GRIN2B: variants seen among roughly 807,000 people sequenced by gnomAD.
GRIN2B encodes glutamate ionotropic receptor NMDA type subunit 2B.
In GRIN2B, 5 loss-of-function variants were observed where a neutral mutation model predicts 114.5. The ratio of observed to expected loss-of-function variants is 0.04; its 90% CI spans 0.02 to 0.09. The LOEUF is 0.09. GRIN2B is among the 10% of genes least tolerant of loss of function. GRIN2B has a pLI of 1.00. For missense variants in GRIN2B, 1,108 were observed against 1,943.5 expected (o/e 0.57, Z 8.08); for synonymous variants, 787 against 745.1 (o/e 1.06, Z -0.92).
chr12:13,745,834 GGGGATCCC>G (rs1463462188), intron 4 of GRIN2B, among the ~76,000 whole-genome samples: 3 of 152,260 alleles, frequency 2.0e-5, no homozygotes, highest in Admixed American at 2.0e-4. Context: ...AGCCTGAGCT[GGGGATCCC>G]TGGGCCTCGG....
chr12:13,559,704 T>C lies in GRIN2B; in HGVS notation c.*3079A>G, dbSNP rs1948517490. ...AGCACTACCTCTCTGTGACCAGATATCACATGCTTCAAAAAGTAGAGTTAG... is the reference window on the plus strand; with the variant it reads ...AGCACTACCTCTCTGTGACCAGATACCACATGCTTCAAAAAGTAGAGTTAG... On this transcript the variant is annotated 3_prime_UTR_variant, in exon 14 of 14. Coordinates refer to ENST00000609686, the MANE Select transcript of GRIN2B (RefSeq NM_000834.5). 6.6e-6 allele frequency: 1 copy of C among 152,210 alleles called. No individual in the cohort carries two copies. Among genetic ancestry groups the C allele is most frequent in the African/African-American group, 2.4e-5 (1 of 41,456 alleles). The allele number at this position is 152,210 out of a possible 1,614,324, so 9.4% of individuals were successfully genotyped here.
At chr12:13,904,297 A>G (rs1866503768) in intron 2 of GRIN2B, among the ~76,000 whole-genome samples, 2 of 152,008 alleles carry the variant, frequency 1.3e-5, no homozygotes, top group South Asian at 2.1e-4. Context: ...TAAATTCTAC[A>G]CTTGGTTTCT....
intron 4 of GRIN2B, among the ~76,000 whole-genome samples, chr12:13,721,638 G>A (rs1437851170): frequency 2.0e-5 from 3 of 152,042 alleles, no homozygotes; most frequent in Non-Finnish European, 2.9e-5. Flanking sequence ...TAAGTTTTAG[G>A]TGCCTCACAG....
Position 13,675,851 on chromosome 12 carries a change from A to G in GRIN2B, c.1019T>C (p.Ile340Thr). ...YQSNMLNRYL[I>T]NVTFEGRNLS... ...ATTCCTCCCCTCAAAAGTGACATTG[A>G]TCAGATACCTGTAAAGATAAAATAA... Residue 340 changes from isoleucine to threonine, a missense_variant, in exon 5 of 14, where the codon ATC (isoleucine) becomes ACC (threonine). Ile to Thr is a moderately conservative substitution (Grantham distance 89). Around this residue, in one of 19 missense-constraint regions of GRIN2B, gnomAD observed 199 missense variants for 439.6 expected, o/e 0.45. Transcript: ENST00000609686. The G allele has an allele frequency of 6.4e-7, 1 of 1,551,394 alleles. No homozygotes were observed. The highest frequency in any genetic ancestry group is 2.2e-5 in the East Asian group (1 of 44,524).
chr12:13,882,123 C>T (rs753462321), intron 2 of GRIN2B, among the ~76,000 whole-genome samples: 8 of 152,260 alleles, frequency 5.3e-5, no homozygotes, highest in South Asian at 4.2e-4. Flanking sequence ...GAAGAAATAA[C>T]GCAGAGATAA....
intron 10 of GRIN2B, among the ~76,000 whole-genome samples, chr12:13,574,866 T>G (rs1006843608): frequency 6.6e-6 from 1 of 151,986 alleles, no homozygotes; most frequent in Admixed American, 6.6e-5. Context: ...ATCACGAGAG[T>G]GTGGCATTAG....
At chr12:13,694,355 A>G (rs1950239953) in intron 4 of GRIN2B, among the ~76,000 whole-genome samples, 1 of 152,120 alleles carries the variant, frequency 6.6e-6, no homozygotes, top group African/African-American at 2.4e-5. Flanking sequence ...GGCAGTGTCA[A>G]GTTTATGCAG....
intron 4 of GRIN2B, among the ~76,000 whole-genome samples, chr12:13,748,572 T>A (rs1863428314): frequency 6.6e-6 from 1 of 152,206 alleles, no homozygotes; most frequent in South Asian, 2.1e-4. Context: ...ACCAAAACGT[T>A]TTTAGACTTT....
At chr12:13,808,866 G>A (rs1469361709) in intron 3 of GRIN2B, among the ~76,000 whole-genome samples, 1 of 151,772 alleles carries the variant, frequency 6.6e-6, no homozygotes, top group East Asian at 1.9e-4. Flanking sequence ...AAGGCTAGGA[G>A]AAAACCAGTC....
chr12:13,892,073 C>T (rs1176823124), intron 2 of GRIN2B, among the ~76,000 whole-genome samples: 1 of 152,196 alleles, frequency 6.6e-6, no homozygotes, highest in Non-Finnish European at 1.5e-5. Flanking sequence ...CATACTTGCC[C>T]AGGATTCTAC....
rs138332509 is a variant in GRIN2B at position 13,692,147 on chromosome 12, C to T, written c.1011-16288G>A. ...AACTCACTTTCCCAAGTTTTTTCAG[C>T]AACTTGCACAGAAGGAATATACTTT... On this transcript the variant is annotated intron_variant, in intron 4 of 13. Transcript: ENST00000609686. 4.1e-3 allele frequency among the ~76,000 whole-genome samples: 618 copies of T among 152,194 alleles called. 2 individuals are homozygous for T. Among genetic ancestry groups the T allele is most frequent in the Middle Eastern group, 6.8e-3 (2 of 294 alleles).
At chr12:13,938,397 A>C (rs1487503846) in intron 2 of GRIN2B, among the ~76,000 whole-genome samples, 1 of 152,200 alleles carries the variant, frequency 6.6e-6, no homozygotes, top group African/African-American at 2.4e-5. Context: ...CTGCAACTAC[A>C]TGATCCAGCA....
chr12:13,893,031 T>A (rs372085219), intron 2 of GRIN2B, among the ~76,000 whole-genome samples: 1 of 152,156 alleles, frequency 6.6e-6, no homozygotes, highest in South Asian at 2.1e-4. Flanking sequence ...CTGTGACCCC[T>A]TGAGAATCAT....
intron 3 of GRIN2B, among the ~76,000 whole-genome samples, chr12:13,840,023 AAGG>A (rs1415165980): frequency 2.0e-5 from 3 of 152,322 alleles, no homozygotes; most frequent in Non-Finnish European, 2.9e-5. Flanking sequence ...ACCTAGCTAG[AAGG>A]AGAACAAGTG....
chr12:13,770,642 T>C (rs1256536685), intron 3 of GRIN2B, among the ~76,000 whole-genome samples: 3 of 152,186 alleles, frequency 2.0e-5, no homozygotes, highest in Non-Finnish European at 4.4e-5. Context: ...ATATGTGCTA[T>C]TTATTCCTGA....
intron 5 of GRIN2B, among the ~76,000 whole-genome samples, chr12:13,649,509 T>C (rs1007981502): frequency 6.6e-6 from 1 of 152,128 alleles, no homozygotes; most frequent in African/African-American, 2.4e-5. Context: ...CTTTTTTTAC[T>C]ACAGGAATCT....
chr12:13,739,491 A>G (rs1863244614), intron 4 of GRIN2B, among the ~76,000 whole-genome samples: 2 of 151,194 alleles, frequency 1.3e-5, no homozygotes, highest in Admixed American at 1.3e-4. Context: ...TGCCTCTACC[A>G]CATAGCTTCC....
At chr12:13,977,797 A>C (rs1863053770) in intron 2 of GRIN2B, among the ~76,000 whole-genome samples, 1 of 152,190 alleles carries the variant, frequency 6.6e-6, no homozygotes, top group Non-Finnish European at 1.5e-5. Context: ...ATGGCTTTGC[A>C]TGGTGAAAAG....
At chr12:13,865,646 G>T (rs74776542) in intron 3 of GRIN2B, 152 bp downstream of exon 3, 3 of 742,768 alleles carry the variant, frequency 4.0e-6, no homozygotes, top group Non-Finnish European at 7.2e-6. Flanking sequence ...GAGAGAGAGA[G>T]AAAAAAAAAG....
Sources: gnomAD v4.1 joint callset for allele counts (sites outside exome capture counted in the v4.1 genomes callset) on GRCh38, gnomAD v4.1.1 for gene constraint, gnomAD v4.1.1 regional missense constraint, MANE v1.5 for transcripts, NCBI Gene and HGNC (gene_info 2026-07-23, HGNC 2026-07-21) for gene names.